KDM4C: variants seen among roughly 807,000 people sequenced by gnomAD.
The protein encoded by KDM4C is lysine-specific demethylase 4C.
Under a neutral mutation model 129.3 loss-of-function variants are expected in KDM4C, and 81 were observed. The observed-to-expected ratio is 0.63, with a 90% CI of 0.52 to 0.75. The LOEUF (loss-of-function observed/expected upper bound fraction) is 0.75. KDM4C is among the 30% of genes least tolerant of loss of function. KDM4C has a pLI of 0.00. For synonymous variants in KDM4C, 573 were observed against 456.1 expected (o/e 1.26, Z -3.26); for missense variants, 1,457 against 1,304.0 (o/e 1.12, Z -1.81).
chr9:7,071,201 GAC>G (rs1833146997), intron 17 of KDM4C, among the ~76,000 whole-genome samples: 3 of 152,178 alleles, frequency 2.0e-5, no homozygotes, highest in Admixed American at 2.0e-4. Context: ...CTGATTGGAA[GAC>G]ACATTGTTGT....
At chr9:6,980,389 G>A (rs1230966168) in intron 8 of KDM4C, among the ~76,000 whole-genome samples, 1 of 152,184 alleles carries the variant, frequency 6.6e-6, no homozygotes, top group Non-Finnish European at 1.5e-5. Flanking sequence ...GATGTTGTAT[G>A]TGATGTGATG....
At chr9:6,917,316 C>A (rs1820497410) in intron 8 of KDM4C, among the ~76,000 whole-genome samples, 1 of 152,214 alleles carries the variant, frequency 6.6e-6, no homozygotes, top group South Asian at 2.1e-4. Flanking sequence ...ACTACCCAAA[C>A]TGTAGCATGC....
At chr9:6,923,274 A>G (rs1821882162) in intron 8 of KDM4C, among the ~76,000 whole-genome samples, 1 of 151,916 alleles carries the variant, frequency 6.6e-6, no homozygotes, top group African/African-American at 2.4e-5. Flanking sequence ...AGAATGTTGC[A>G]CTGTTGCTGC....
chr9:6,836,170 C>T (rs1163225867), intron 4 of KDM4C, among the ~76,000 whole-genome samples: 1 of 152,054 alleles, frequency 6.6e-6, no homozygotes, highest in African/African-American at 2.4e-5. Flanking sequence ...TTAAAAAAAT[C>T]ACTGGGTGTG....
upstream of KDM4C, among the ~76,000 whole-genome samples, chr9:6,753,722 C>T (rs1459569213): frequency 2.0e-5 from 3 of 152,164 alleles, no homozygotes; most frequent in Non-Finnish European, 4.4e-5. Context: ...AGAGGATGAA[C>T]CCATTCCTGC....
intron 2 of KDM4C, among the ~76,000 whole-genome samples, chr9:6,803,489 G>C (rs1467347973): frequency 6.6e-6 from 1 of 151,522 alleles, no homozygotes; most frequent in Admixed American, 6.6e-5. Flanking sequence ...AGAATCGCTT[G>C]ACCCCGGGAG....
At chr9:7,029,628 G>T (rs1826392118) in intron 15 of KDM4C, among the ~76,000 whole-genome samples, 1 of 152,042 alleles carries the variant, frequency 6.6e-6, no homozygotes, top group South Asian at 2.1e-4. Context: ...AGGAATGTGT[G>T]TAAGATTATT....
chr9:6,961,319 C>T (rs749426235), intron 8 of KDM4C, among the ~76,000 whole-genome samples: 7 of 151,976 alleles, frequency 4.6e-5, no homozygotes, highest in African/African-American at 9.7e-5. Flanking sequence ...CAGCACTAAA[C>T]GTGGGGTGGT....
chr9:7,011,545 C>T (rs1334515987), intron 12 of KDM4C, among the ~76,000 whole-genome samples, 153 bp from the exon 13 acceptor site: 1 of 152,178 alleles, frequency 6.6e-6, no homozygotes, highest in East Asian at 1.9e-4. Flanking sequence ...TTCCCTTATC[C>T]TGGCTCTCTC....
intron 19 of KDM4C, among the ~76,000 whole-genome samples, chr9:7,135,254 T>C (rs1036658848): frequency 2.0e-5 from 3 of 152,172 alleles, no homozygotes; most frequent in African/African-American, 7.2e-5. Flanking sequence ...TACGTTTTTC[T>C]TCAAATATAT....
intron 17 of KDM4C, among the ~76,000 whole-genome samples, chr9:7,099,466 T>G (rs1436286298): frequency 6.6e-6 from 1 of 152,198 alleles, no homozygotes; most frequent in Non-Finnish European, 1.5e-5. Context: ...CCCAAGAAAG[T>G]ACAGTGCTCT....
rs1244460288 is a variant in KDM4C, at chr9:7,174,721, A to G, written c.3163A>G (p.Arg1055Gly). Residue 1055 changes from arginine to glycine, a missense_variant, in exon 22 of 22, where the codon AGA (arginine) becomes GGA (glycine). By Grantham distance (125) the Arg-to-Gly change is moderately radical. Coordinates refer to ENST00000381309, the MANE Select transcript of KDM4C (RefSeq NM_015061.6). The stretch of plus-strand genomic sequence containing the variant: ...CTCTTTCCAGAAGAAGTGCCAGAAG[A>G]GACAGTAGTCTGCATACATCGCTGC... The part of the protein sequence containing the change: ...KSSFQKKCQK[R>G]Q The G allele has an allele frequency of 6.2e-7, 1 of 1,614,088 alleles. No homozygotes were observed. Among genetic ancestry groups the G allele is most frequent in the East Asian group, 2.2e-5 (1 of 44,880 alleles).
intron 4 of KDM4C, among the ~76,000 whole-genome samples, chr9:6,842,457 C>G (rs977798273): frequency 6.6e-6 from 1 of 151,498 alleles, no homozygotes; most frequent in Admixed American, 6.6e-5. Context: ...GTCTCAGTCT[C>G]TTGAGTAGCT....
intron 2 of KDM4C, among the ~76,000 whole-genome samples, chr9:6,798,508 T>C (rs897447930): frequency 6.6e-5 from 10 of 152,004 alleles, no homozygotes; most frequent in Non-Finnish European, 1.0e-4. Flanking sequence ...TTAATCCATT[T>C]AACCCTGAGT....
At chr9:6,863,886 C>T (rs1841451139) in intron 5 of KDM4C, among the ~76,000 whole-genome samples, 2 of 151,804 alleles carry the variant, frequency 1.3e-5, no homozygotes, top group African/African-American at 4.8e-5. Context: ...TGAGAACTCA[C>T]CCATTACCGT....
At chr9:7,039,053 C>A (rs2132448829) in intron 15 of KDM4C, among the ~76,000 whole-genome samples, 1 of 151,748 alleles carries the variant, frequency 6.6e-6, no homozygotes, top group Admixed American at 6.6e-5. Context: ...TGATATGTAT[C>A]TTTTGTCTTT....
chr9:6,748,448 G>A (rs1448111534), intron 1 of KDM4C, among the ~76,000 whole-genome samples: 3 of 151,458 alleles, frequency 2.0e-5, no homozygotes, highest in Admixed American at 6.6e-5. Context: ...TGGAGGTTGC[G>A]GGGAGCTGAG....
At chr9:6,995,347 G>A (rs1324411512) in intron 12 of KDM4C, among the ~76,000 whole-genome samples, 3 of 151,062 alleles carry the variant, frequency 2.0e-5, no homozygotes, top group East Asian at 1.9e-4. Context: ...AGACACACAG[G>A]CACAGACACA....
At position 6,864,731 on chromosome 9, in the gene KDM4C, C is replaced by G. The variant is rs1841607365; in HGVS notation, c.629+15031C>G. Among the ~76,000 whole-genome samples the G allele has an allele frequency of 2.0e-5, 3 of 151,680 alleles. No homozygotes were observed. The South Asian group carries it at 6.2e-4, about 31-fold the overall frequency. ...TTGAGTAAGCTTTCTACTCCTTGCTCTTGCTCAGTTCCCCCTTGAACAGAA... is the reference window on the plus strand; with the variant it reads ...TTGAGTAAGCTTTCTACTCCTTGCTGTTGCTCAGTTCCCCCTTGAACAGAA... On this transcript the variant is annotated intron_variant, in intron 5 of 21. Coordinates refer to ENST00000381309, the MANE Select transcript of KDM4C (RefSeq NM_015061.6).
Sources: gnomAD v4.1 joint callset for allele counts (sites outside exome capture counted in the v4.1 genomes callset) on GRCh38, gnomAD v4.1.1 for gene constraint, MANE v1.5 for transcripts, NCBI Gene and HGNC (gene_info 2026-07-23, HGNC 2026-07-21) for gene names.